CDK6: variants seen among roughly 807,000 people sequenced by gnomAD.
CDK6 encodes cyclin-dependent kinase 6.
CDK6 carries 6 observed loss-of-function variants against 37.1 expected under a neutral mutation model. The observed-to-expected ratio is 0.16, with a 90% CI of 0.09 to 0.32. The LOEUF is 0.32. CDK6 is among the 10% of genes least tolerant of loss of function. The pLI is 1.00. For synonymous variants in CDK6, 160 were observed against 161.3 expected (o/e 0.99, Z 0.06); for missense variants, 224 against 418.9 (o/e 0.53, Z 4.06).
At chr7:92,638,699 C>T (rs1409255481) in intron 5 of CDK6, among the ~76,000 whole-genome samples, 2 of 152,192 alleles carry the variant, frequency 1.3e-5, no homozygotes, top group Non-Finnish European at 2.9e-5. Flanking sequence ...AGGAACATCA[C>T]TTACCTACTA....
chr7:92,833,787 A>T lies in CDK6; in HGVS notation c.-367-97T>A. Reference sequence around the variant, plus strand: ...CAGACTCCCCTCCTCCTCCTTTACGAAGCCTCCATCGCTACCCTCCGCGCG... The same window carrying T: ...CAGACTCCCCTCCTCCTCCTTTACGTAGCCTCCATCGCTACCCTCCGCGCG... On this transcript the variant is annotated intron_variant, in intron 1 of 7. Transcript: ENST00000424848. The surrounding 1 kb of genome is among the most constrained non-coding windows in gnomAD (Gnocchi z 6.1). 2 of 405,458 alleles carry T rather than the reference A, an allele frequency of 4.9e-6. No homozygotes were observed. Among genetic ancestry groups the T allele is most frequent in the Non-Finnish European group, 8.7e-6 (2 of 230,976 alleles). 25.1% of individuals were successfully genotyped at this position (405,458 alleles called of 1,614,324 possible).
chr7:92,763,971 G>C (rs142996554), intron 3 of CDK6, among the ~76,000 whole-genome samples: 2 of 152,096 alleles, frequency 1.3e-5, no homozygotes, highest in African/African-American at 4.8e-5. Context: ...ACCACACTTG[G>C]AGAAACAAAG....
At chr7:92,810,164 T>A (rs1224057672) in intron 2 of CDK6, among the ~76,000 whole-genome samples, 1 of 152,220 alleles carries the variant, frequency 6.6e-6, no homozygotes, top group Non-Finnish European at 1.5e-5. Flanking sequence ...TATCATTTAC[T>A]ATCTGTCAGA....
intron 4 of CDK6, among the ~76,000 whole-genome samples, chr7:92,711,242 T>G (rs1268416107): frequency 6.6e-6 from 1 of 152,216 alleles, no homozygotes; most frequent in East Asian, 1.9e-4. Context: ...GTAAAAATAT[T>G]ATGTAAATTT....
In CDK6 at chr7:92,671,290, G is replaced by A. The variant is rs547568431; in HGVS notation, c.647+136C>T. The A allele has an allele frequency of 7.2e-4, 359 of 500,090 alleles. 3 individuals carry two copies. Among genetic ancestry groups the A allele is most frequent in the Middle Eastern group, 4.1e-3 (9 of 2,210 alleles). The allele number at this position is 500,090 out of a possible 1,614,324, so 31.0% of individuals were successfully genotyped here. On this transcript the variant is annotated intron_variant, in intron 5 of 7. Coordinates refer to ENST00000424848, the MANE Select transcript of CDK6 (RefSeq NM_001145306.2). ...GAGAAGGCGGTTTCAGGACAGGCTTGCAAGTGGTAGCCTGGGGTAGATGGA... is the reference window on the plus strand; with the variant it reads ...GAGAAGGCGGTTTCAGGACAGGCTTACAAGTGGTAGCCTGGGGTAGATGGA...
chr7:92,701,526 C>T (rs1251419806), intron 4 of CDK6, among the ~76,000 whole-genome samples: 1 of 152,110 alleles, frequency 6.6e-6, no homozygotes, highest in Non-Finnish European at 1.5e-5. Context: ...CTGCCTCAGC[C>T]TCCCGAGTAG....
chr7:92,748,342 G>A (rs867705075), intron 3 of CDK6, among the ~76,000 whole-genome samples: 2 of 152,098 alleles, frequency 1.3e-5, no homozygotes, highest in Admixed American at 6.5e-5. Flanking sequence ...TCATTTTGGC[G>A]GGCCATTAAA....
At chr7:92,626,976 G>T (rs1795942167) in intron 5 of CDK6, among the ~76,000 whole-genome samples, 1 of 151,934 alleles carries the variant, frequency 6.6e-6, no homozygotes, top group Non-Finnish European at 1.5e-5. Context: ...ATACCCAAAA[G>T]CATTAACATA....
At position 92,630,279 on chromosome 7, in the gene CDK6, A is replaced by ATTATTTATTTATTTATTTAT. The variant is rs3042470; in HGVS notation, c.648-7213_648-7194dup. 2.4e-3 allele frequency among the ~76,000 whole-genome samples: 355 copies of ATTATTTATTTATTTATTTAT among 146,826 alleles called. 2 individuals are homozygous for ATTATTTATTTATTTATTTAT. Among genetic ancestry groups the ATTATTTATTTATTTATTTAT allele is most frequent in the East Asian group, 0.012 (60 of 4,974 alleles). The stretch of plus-strand genomic sequence containing the variant: ...TTGATATTTTTTCTTGCCAAATTAC[A>ATTATTTATTTATTTATTTAT]TTATTTATTTATTTATTTATTTATT... On this transcript the variant is annotated intron_variant, in intron 5 of 7. Transcript: ENST00000424848.
chr7:92,628,966 A>G (rs577397857), intron 5 of CDK6, among the ~76,000 whole-genome samples: 1 of 152,132 alleles, frequency 6.6e-6, no homozygotes, highest in Non-Finnish European at 1.5e-5. Context: ...GTGTTGAGAA[A>G]AAGTGTAGCA....
chr7:92,749,707 G>A (rs1799144757), intron 3 of CDK6, among the ~76,000 whole-genome samples: 1 of 152,164 alleles, frequency 6.6e-6, no homozygotes, highest in South Asian at 2.1e-4. Flanking sequence ...AAGGCATTCT[G>A]CTGTACTGAT....
chr7:92,731,990 T>C (rs1486413217), intron 3 of CDK6, among the ~76,000 whole-genome samples: 2 of 152,206 alleles, frequency 1.3e-5, no homozygotes, highest in African/African-American at 4.8e-5. Context: ...TAAGAAAACA[T>C]GAAGCCCAAG....
chr7:92,636,885 G>A (rs1203983514), intron 5 of CDK6, among the ~76,000 whole-genome samples: 3 of 152,124 alleles, frequency 2.0e-5, no homozygotes, highest in East Asian at 3.9e-4. Context: ...GGCTGGTCTC[G>A]AACTCCTGAC....
chr7:92,696,298 A>T (rs1254113351), intron 4 of CDK6, among the ~76,000 whole-genome samples: 7 of 152,238 alleles, frequency 4.6e-5, no homozygotes, highest in African/African-American at 1.7e-4. Context: ...TAACAGGCCA[A>T]CTTAAAAAGC....
chr7:92,753,137 A>G (rs1799225620), intron 3 of CDK6, among the ~76,000 whole-genome samples: 2 of 152,160 alleles, frequency 1.3e-5, no homozygotes, highest in Non-Finnish European at 2.9e-5. Context: ...ATACTGAAGC[A>G]TATGATTTAA....
intron 4 of CDK6, among the ~76,000 whole-genome samples, chr7:92,694,943 G>T (rs763388160): frequency 2.0e-5 from 3 of 152,002 alleles, no homozygotes; most frequent in African/African-American, 7.2e-5. Context: ...AGAAAAAGAT[G>T]ATCTCAAATG....
intron 2 of CDK6, among the ~76,000 whole-genome samples, chr7:92,818,580 G>GA (rs945827369): frequency 4.0e-5 from 6 of 149,272 alleles, no homozygotes; most frequent in Non-Finnish European, 6.0e-5. Flanking sequence ...AGCTATCAAA[G>GA]AAAAAAAAAG....
In CDK6 at chr7:92,615,095, C is replaced by G. The variant is rs1416886247; in HGVS notation, c.*45G>C. On this transcript the variant is annotated 3_prime_UTR_variant, in exon 8 of 8. Coordinates refer to ENST00000424848, the MANE Select transcript of CDK6 (RefSeq NM_001145306.2). ...TTGCTGAGGGGGACCCATAAGCCAC[C>G]AAGGGTGTTCTCCGCAGGATCAGCT... The G allele has an allele frequency of 1.9e-6, 3 of 1,608,690 alleles. No individual in the cohort carries two copies. The highest frequency in any genetic ancestry group is 2.5e-6 in the Non-Finnish European group (3 of 1,177,356).
At chr7:92,656,201 T>C (rs545373926) in intron 5 of CDK6, among the ~76,000 whole-genome samples, 10 of 152,246 alleles carry the variant, frequency 6.6e-5, no homozygotes, top group Non-Finnish European at 1.3e-4. Context: ...CTAGGTAATA[T>C]CTTTTATTTC....
Sources: gnomAD v4.1 joint callset for allele counts (sites outside exome capture counted in the v4.1 genomes callset) on GRCh38, gnomAD v4.1.1 for gene constraint, Gnocchi (gnomAD v3.1) non-coding constraint, MANE v1.5 for transcripts, NCBI Gene and HGNC (gene_info 2026-07-23, HGNC 2026-07-21) for gene names.